The following DERA variants were observed in gnomAD, a reference collection of about 807,000 sequenced individuals.
DERA encodes deoxyribose-phosphate aldolase.
DERA carries 15 observed loss-of-function variants against 41.1 expected under a neutral mutation model. The observed-to-expected ratio is 0.37, with a 90% confidence interval of 0.24 to 0.56. The LOEUF (loss-of-function observed/expected upper bound fraction) is 0.56, where lower values mean the gene tolerates loss of function less well. Ranked by LOEUF, DERA falls within the 20% of genes least tolerant of loss-of-function variation. The probability of loss-of-function intolerance (pLI) is 0.81; values close to 1 mark genes in which losing one functional copy is unlikely to be tolerated. For synonymous variants in DERA, 139 were observed against 137.4 expected, an observed-to-expected ratio of 1.01 and a Z score of -0.08; for missense variants, 396 against 403.4, an observed-to-expected ratio of 0.98 and a Z score of 0.16.
intron 7 of DERA, among the ~76,000 whole-genome samples, chr12:16,034,902 AT>A (rs1949116861): frequency 6.6e-6 from 1 of 152,132 alleles, no homozygotes; most frequent in Non-Finnish European, 1.5e-5. Flanking sequence ...ATATCAACTA[AT>A]TGATTTTTTT....
intron 1 of DERA, among the ~76,000 whole-genome samples, chr12:15,916,656 G>A (rs1388632088): frequency 2.0e-5 from 3 of 151,982 alleles, no homozygotes; most frequent in Non-Finnish European, 4.4e-5. Flanking sequence ...TCACAGTGTT[G>A]GCCAGGCTGG....
At chr12:16,015,417 C>T (rs1184196389) in intron 6 of DERA, among the ~76,000 whole-genome samples, 2 of 152,158 alleles carry the variant, frequency 1.3e-5, no homozygotes, top group East Asian at 3.9e-4. Context: ...ATAAGTGGCT[C>T]GTTACCCCTT....
chr12:15,960,492 G>C (rs1565596835), intron 4 of DERA, among the ~76,000 whole-genome samples: 1 of 151,364 alleles, frequency 6.6e-6, no homozygotes, highest in East Asian at 1.9e-4. Flanking sequence ...ACAAAAATTA[G>C]CCAGGCATGG....
At position 16,012,296 on chromosome 12, in the gene DERA, G is replaced by A. The variant is rs574603655; in HGVS notation, c.638-20246G>A. ...AAAACTGAAAGCAAAGCCAGTTCCA[G>A]AACAGGATTAAGGGGCCAGCCAGCT... On this transcript the variant is annotated intron_variant, in intron 6 of 8. Transcript: ENST00000428559. The surrounding 1 kb of genome is among the most constrained non-coding windows in gnomAD (Gnocchi z 4.1). Among the ~76,000 whole-genome samples, 1 of 152,302 alleles carries A rather than the reference G, an allele frequency of 6.6e-6. No homozygotes were observed. The highest frequency in any genetic ancestry group is 2.1e-4 in the South Asian group (1 of 4,824).
At chr12:15,939,788 A>G (rs1948396260) in intron 1 of DERA, among the ~76,000 whole-genome samples, 1 of 152,244 alleles carries the variant, frequency 6.6e-6, no homozygotes, top group South Asian at 2.1e-4. Flanking sequence ...TCAGCTGATG[A>G]GAATCAGCAG....
rs1362566123 is a variant in DERA, at chr12:15,928,433, C to G, written c.31+17019C>G. ...AAACAGAAAGGATTACTTTAAATTT[C>G]AACTCTTTCTGTATTTGCATTTTGG... On this transcript the variant is annotated intron_variant, in intron 1 of 8. Coordinates refer to ENST00000428559, the MANE Select transcript of DERA (RefSeq NM_015954.4). The surrounding 1 kb of genome is among the most constrained non-coding windows in gnomAD (Gnocchi z 4.6). Among the ~76,000 whole-genome samples the G allele has an allele frequency of 5.3e-5, 8 of 152,192 alleles. No homozygotes were observed. The highest frequency in any genetic ancestry group is 1.2e-4 in the Non-Finnish European group (8 of 68,020).
At chr12:16,033,531 C>A (rs1949106929) in intron 7 of DERA, among the ~76,000 whole-genome samples, 1 of 149,250 alleles carries the variant, frequency 6.7e-6, no homozygotes, top group Admixed American at 6.7e-5. Flanking sequence ...ACTTGTTTAG[C>A]TGCAAATTAT....
intron 6 of DERA, 23 bp from the exon 7 acceptor site, chr12:16,032,519 A>G: frequency 2.4e-6 from 3 of 1,235,578 alleles, no homozygotes; most frequent in South Asian, 1.5e-5. Context: ...ATTAACATGG[A>G]GTTTTTCCTC....
At chr12:16,032,715 T>C (rs1949101471) in intron 7 of DERA, 61 bp downstream of exon 7, 2 of 1,005,640 alleles carry the variant, frequency 2.0e-6, no homozygotes, top group African/African-American at 1.6e-5. Context: ...TAATACTAGT[T>C]ACAGCCACAA....
chr12:15,944,806 T>C (rs1948434933), intron 1 of DERA, among the ~76,000 whole-genome samples: 1 of 152,254 alleles, frequency 6.6e-6, no homozygotes. Context: ...TCCTTGCTCA[T>C]GCCTATGTCC....
chr12:15,965,819 T>G lies in DERA; in HGVS notation c.508+2872T>G, dbSNP rs1565598738. 6.6e-6 allele frequency among the ~76,000 whole-genome samples: 1 copy of G among 152,154 alleles called. No homozygotes were observed. Among genetic ancestry groups the G allele is most frequent in the Non-Finnish European group, 1.5e-5 (1 of 68,026 alleles). On this transcript the variant is annotated intron_variant, in intron 5 of 8. Transcript: ENST00000428559. This position sits in a 1 kb window ranked among gnomAD's most constrained non-coding sequence, Gnocchi z 4.1. ...CAGGTCCTTGCATCAGGGCTGCTTT[T>G]CTTTGCTTCTTCCTTTGCTCCTTCC...
At chr12:15,919,829 T>G (rs1484033163) in intron 1 of DERA, among the ~76,000 whole-genome samples, 1 of 152,204 alleles carries the variant, frequency 6.6e-6, no homozygotes, top group Non-Finnish European at 1.5e-5. Context: ...AACTGGTGTC[T>G]TTGTTCTTTT....
chr12:15,917,923 C>T (rs1195181411), intron 1 of DERA, among the ~76,000 whole-genome samples: 2 of 152,158 alleles, frequency 1.3e-5, no homozygotes, highest in African/African-American at 4.8e-5. Context: ...GTTCCCAAGG[C>T]CCTCAGCTGG....
At position 15,966,194 on chromosome 12, in the gene DERA, G is replaced by T. The variant is rs367676585; in HGVS notation, c.508+3247G>T. ...CCTCATCACCTCTTGCTCTGCTGCC[G>T]CCCTAAGCTCTGGTTCCGCAGCAAC... On this transcript the variant is annotated intron_variant, in intron 5 of 8. Transcript: ENST00000428559. This position sits in a 1 kb window ranked among gnomAD's most constrained non-coding sequence, Gnocchi z 5.1. Among the ~76,000 whole-genome samples the T allele has an allele frequency of 2.0e-5, 3 of 152,234 alleles. 1 individual carries two copies. The highest frequency in any genetic ancestry group is 1.9e-4 in the East Asian group (1 of 5,162).
chr12:15,948,929 C>T (rs1363361166), intron 1 of DERA, among the ~76,000 whole-genome samples: 28 of 152,220 alleles, frequency 1.8e-4, no homozygotes. Context: ...TCAGGACCCT[C>T]AGCTGCAGGT....
In DERA at chr12:16,020,163, A is replaced by G. The variant is rs1381848429; in HGVS notation, c.638-12379A>G. ...GCCAATTAAACCTCTTTTCTTTATA[A>G]ATTACCCAATGTATTAGTCCACAGG... On this transcript the variant is annotated intron_variant, in intron 6 of 8. Transcript: ENST00000428559. The surrounding 1 kb of genome is among the most constrained non-coding windows in gnomAD (Gnocchi z 5.5). Among the ~76,000 whole-genome samples the G allele has an allele frequency of 6.6e-6, 1 of 152,094 alleles. No homozygotes were observed. The highest frequency in any genetic ancestry group is 2.4e-5 in the African/African-American group (1 of 41,402).
chr12:16,036,116 AT>A lies in DERA; in HGVS notation c.751-108del. 9.7e-6 allele frequency: 10 copies of A among 1,028,086 alleles called. No homozygotes were observed. Among genetic ancestry groups the A allele is most frequent in the Non-Finnish European group, 1.3e-5 (10 of 771,950 alleles). The allele number at this position is 1,028,086 out of a possible 1,614,324, so 63.7% of individuals were successfully genotyped here. On this transcript the variant is annotated intron_variant, in intron 7 of 8. Coordinates refer to ENST00000428559, the MANE Select transcript of DERA (RefSeq NM_015954.4). The surrounding 1 kb of genome is among the most constrained non-coding windows in gnomAD (Gnocchi z 4.9). ...CCCTTTCACTGGATGAAGTGAAAAGATTTTTTTTCAACAAAAGAGGGAGAGA... is the reference window on the plus strand; with the variant it reads ...CCCTTTCACTGGATGAAGTGAAAAGATTTTTTTCAACAAAAGAGGGAGAGA...
In DERA at chr12:15,936,462, G is replaced by A. The variant is rs1027243243; in HGVS notation, c.32-20474G>A. Among the ~76,000 whole-genome samples the A allele has an allele frequency of 5.9e-5, 9 of 152,216 alleles. No individual in the cohort carries two copies. The highest frequency in any genetic ancestry group is 1.9e-4 in the African/African-American group (8 of 41,514). On this transcript the variant is annotated intron_variant, in intron 1 of 8. Transcript: ENST00000428559. This position sits in a 1 kb window ranked among gnomAD's most constrained non-coding sequence, Gnocchi z 4.6. The stretch of plus-strand genomic sequence containing the variant: ...GGAAAACATTTTACTATATGATCTG[G>A]CCCTTGCCGCCCTCTCTTTCTTTCA...
intron 5 of DERA, among the ~76,000 whole-genome samples, chr12:15,964,018 G>T (rs943988540): frequency 5.9e-5 from 9 of 152,288 alleles, no homozygotes; most frequent in South Asian, 2.1e-4. Context: ...AAGTCCAGGG[G>T]TAGGTATTTC....
Sources: allele counts gnomAD v4.1 joint callset (sites outside exome capture counted in the v4.1 genomes callset), GRCh38; gene constraint gnomAD v4.1.1; non-coding constraint Gnocchi (gnomAD v3.1); transcripts MANE v1.5; gene names NCBI Gene and HGNC (gene_info 2026-07-23, HGNC 2026-07-21).